Variants in MAP3K4 observed in about 807,000 individuals in gnomAD.
The protein encoded by MAP3K4 is MAP three kinase 1.
Under a neutral mutation model 185.6 loss-of-function variants are expected in MAP3K4, and 67 were observed. The observed-to-expected ratio is 0.36, with a 90% CI of 0.30 to 0.44. The LOEUF (loss-of-function observed/expected upper bound fraction) is 0.44, where lower values mean the gene tolerates loss of function less well. Ranked by LOEUF, MAP3K4 falls within the 20% of genes least tolerant of loss-of-function variation. MAP3K4 has a pLI of 1.00. For synonymous variants in MAP3K4, 702 were observed against 710.4 expected, an observed-to-expected ratio of 0.99 and a Z score of 0.19; for missense variants, 1,551 against 1,995.1, an observed-to-expected ratio of 0.78 and a Z score of 4.24.
chr6:161,036,145 T>C (rs144511749), intron 2 of MAP3K4, among the ~76,000 whole-genome samples: 1 of 152,292 alleles, frequency 6.6e-6, no homozygotes, highest in East Asian at 1.9e-4. Context: ...GTGCGAGAGA[T>C]AGAGGGAAAG....
chr6:161,035,558 T>A (rs1783125990), intron 2 of MAP3K4, among the ~76,000 whole-genome samples: 1 of 152,210 alleles, frequency 6.6e-6, no homozygotes, highest in South Asian at 2.1e-4. Flanking sequence ...TTCCCACAAA[T>A]GATTTTTCCA....
rs530670331 is a variant in MAP3K4 at position 161,019,419 on chromosome 6, T to C, written c.153-14840T>C. 3.3e-5 allele frequency among the ~76,000 whole-genome samples: 5 copies of C among 152,368 alleles called. No individual in the cohort carries two copies. In the East Asian group the frequency reaches 9.6e-4, roughly 29 times the overall value. On this transcript the variant is annotated intron_variant, in intron 1 of 26. Transcript: ENST00000392142. The stretch of plus-strand genomic sequence containing the variant: ...TCCATGTTTGCTTAACATCTCTTTC[T>C]TTCTATTTTTGAGACGGAGTCTCTC...
At position 161,108,548 on chromosome 6, in the gene MAP3K4, C is replaced by T. The variant is rs982475645; in HGVS notation, c.4120-195C>T. Among the ~76,000 whole-genome samples, 3 of 152,238 alleles carry T rather than the reference C, an allele frequency of 2.0e-5. No homozygotes were observed. Among genetic ancestry groups the T allele is most frequent in the South Asian group, 2.1e-4 (1 of 4,816 alleles). On this transcript the variant is annotated intron_variant, in intron 21 of 26. Coordinates refer to ENST00000392142, the MANE Select transcript of MAP3K4 (RefSeq NM_005922.4). This position sits in a 1 kb window ranked among gnomAD's most constrained non-coding sequence, Gnocchi z 5.7. ...GCAGGGCCTCTTCCTCCTCTGTGCC[C>T]GGGACCTACCCGCACTTCTATGACT... is the stretch of plus-strand genomic sequence containing the variant.
At position 161,034,011 on chromosome 6, in the gene MAP3K4, A is replaced by C. The variant is rs1783044988; in HGVS notation, c.153-248A>C. Among the ~76,000 whole-genome samples the C allele has an allele frequency of 6.6e-6, 1 of 152,222 alleles. No homozygotes were observed. Among genetic ancestry groups the C allele is most frequent in the African/African-American group, 2.4e-5 (1 of 41,476 alleles). On this transcript the variant is annotated intron_variant, in intron 1 of 26. Transcript: ENST00000392142. The surrounding 1 kb of genome is among the most constrained non-coding windows in gnomAD (Gnocchi z 4.4). ...TCTATAAACAAGAGAAACAGAAAGCATAACAGCTCTACCCATGTGGTACTC... is the reference window on the plus strand; with the variant it reads ...TCTATAAACAAGAGAAACAGAAAGCCTAACAGCTCTACCCATGTGGTACTC...
rs1783923813 is a variant in MAP3K4 at position 161,049,871 on chromosome 6, A to C, written c.1599A>C (p.Ala533=). ...TSIYRPFVDK[A]LKQMGLRKLI... Reference sequence around the variant, plus strand: ...TTTATAGACCATTTGTAGACAAAGCACTGAAGCAGATGGGGTTAAGAAAGT... The same window carrying C: ...TTTATAGACCATTTGTAGACAAAGCCCTGAAGCAGATGGGGTTAAGAAAGT... The change falls in exon 3 of 27, where the codon GCA becomes GCC. Residue 533 remains alanine, a synonymous_variant. Coordinates refer to ENST00000392142, the MANE Select transcript of MAP3K4 (RefSeq NM_005922.4). This position sits in a 1 kb window ranked among gnomAD's most constrained non-coding sequence, Gnocchi z 8.4. 1 of 1,614,054 alleles carries C rather than the reference A, an allele frequency of 6.2e-7. No homozygotes were observed. The highest frequency in any genetic ancestry group is 8.5e-7 in the Non-Finnish European group (1 of 1,180,016).
rs990571953 is a variant in MAP3K4, at chr6:161,077,267, T to C, written c.2098-3614T>C. ...ACTAACTTTCTGGTACCTTATTTCT[T>C]ATTGAAAAAAATATCTACATGTACC... On this transcript the variant is annotated intron_variant, in intron 5 of 26. Transcript: ENST00000392142. This position sits in a 1 kb window ranked among gnomAD's most constrained non-coding sequence, Gnocchi z 4.3. 6.6e-6 allele frequency among the ~76,000 whole-genome samples: 1 copy of C among 152,072 alleles called. No individual in the cohort carries two copies. The highest frequency in any genetic ancestry group is 2.4e-5 in the African/African-American group (1 of 41,400).
In MAP3K4 at chr6:161,047,117, C is replaced by CATATATAT. The variant is rs3050257; in HGVS notation, c.344-1478_344-1471dup. Among the ~76,000 whole-genome samples the CATATATAT allele has an allele frequency of 4.1e-3, 552 of 134,964 alleles. 7 individuals carry two copies. The highest frequency in any genetic ancestry group is 0.015 in the African/African-American group (497 of 33,834). The allele number at this position is 134,964 out of a possible 152,430, so 88.5% of individuals were successfully genotyped here. On this transcript the variant is annotated intron_variant, in intron 2 of 26. Transcript: ENST00000392142. ...TATGTAGATATATATTTCACTTATGCATATATATATATATATATATATATA... is the reference window on the plus strand; with the variant it reads ...TATGTAGATATATATTTCACTTATGCATATATATATATATATATATATATATATATATA...
chr6:161,040,744 A>C (rs78372703), intron 2 of MAP3K4, among the ~76,000 whole-genome samples: 2,482 of 152,256 alleles, frequency 0.016, 69 homozygotes, highest in African/African-American at 0.057. Flanking sequence ...TAGTCCCCCA[A>C]CTCCACATTT....
At position 161,109,674 on chromosome 6, in the gene MAP3K4, C is replaced by G. The variant is rs898715927; in HGVS notation, c.4237-81C>G. On this transcript the variant is annotated intron_variant, in intron 22 of 26. Coordinates refer to ENST00000392142, the MANE Select transcript of MAP3K4 (RefSeq NM_005922.4). This position sits in a 1 kb window ranked among gnomAD's most constrained non-coding sequence, Gnocchi z 5.7. The stretch of plus-strand genomic sequence containing the variant: ...AAAGAACATTCCTTTGGGGTGTGGC[C>G]TAGGAAGTTTTCCAGATTTTTCACT... 2 of 1,421,202 alleles carry G rather than the reference C, an allele frequency of 1.4e-6. No homozygotes were observed. The highest frequency in any genetic ancestry group is 2.8e-5 in the African/African-American group (2 of 71,146). The allele number at this position is 1,421,202 out of a possible 1,614,324, so 88.0% of individuals were successfully genotyped here.
chr6:161,089,404 T>A lies in MAP3K4; in HGVS notation c.2906T>A (p.Leu969His). The change falls in exon 11 of 27, where the codon CTT becomes CAT. Residue 969 changes from leucine (L) to histidine (H), a missense_variant. Physicochemically the swap from Leu to His is moderately conservative, Grantham distance 99. Transcript: ENST00000392142. ...GCTTTCCAGCAGTCCATTGAGGGAC[T>A]TATGACTCTGTGCCAGGAGCAGACA... ...RKAFQQSIEG[L>H]MTLCQEQTSS... 6.2e-7 allele frequency: 1 copy of A among 1,614,228 alleles called. No individual in the cohort carries two copies. The highest frequency in any genetic ancestry group is 8.5e-7 in the Non-Finnish European group (1 of 1,180,036).
chr6:161,061,013 T>G lies in MAP3K4; in HGVS notation c.1708-9595T>G, dbSNP rs1784465213. Among the ~76,000 whole-genome samples, 1 of 152,232 alleles carries G rather than the reference T, an allele frequency of 6.6e-6. No homozygotes were observed. The highest frequency in any genetic ancestry group is 2.1e-4 in the South Asian group (1 of 4,836). On this transcript the variant is annotated intron_variant, in intron 3 of 26. Transcript: ENST00000392142. The surrounding 1 kb of genome is among the most constrained non-coding windows in gnomAD (Gnocchi z 4.2). ...ACTGTCTGTACCCCAGCATTGTTCA[T>G]TGCAGCAGAAATTGTGGCTGGTCAT...
chr6:161,093,153 A>G lies in MAP3K4; in HGVS notation c.3348+97A>G, dbSNP rs1777404837. ...TTTATATGTAATAGTGGTTTTTTTC[A>G]TGAGATATTAATCTCAGCATATCAT... On this transcript the variant is annotated intron_variant, in intron 14 of 26. Transcript: ENST00000392142. This position sits in a 1 kb window ranked among gnomAD's most constrained non-coding sequence, Gnocchi z 5.2. 2 of 762,736 alleles carry G rather than the reference A, an allele frequency of 2.6e-6. No individual in the cohort carries two copies. The highest frequency in any genetic ancestry group is 2.5e-5 in the Admixed American group (1 of 39,754). 47.2% of individuals were successfully genotyped at this position (762,736 alleles called of 1,614,324 possible).
Position 161,112,009 on chromosome 6 carries a change from T to TG in MAP3K4, c.4519+55dup, listed in dbSNP as rs751954568. ...GCACTCTGACTTCATGCAGCCTGCT[T>TG]GGGGCCTGCATGTTCCCTTCACCTT... On this transcript the variant is annotated intron_variant, in intron 24 of 26. Transcript: ENST00000392142. This position sits in a 1 kb window ranked among gnomAD's most constrained non-coding sequence, Gnocchi z 5.1. The TG allele has an allele frequency of 1.9e-6, 3 of 1,604,578 alleles. No homozygotes were observed. In the East Asian group the frequency reaches 6.7e-5, roughly 36 times the overall value.
intron 25 of MAP3K4, among the ~76,000 whole-genome samples, chr6:161,113,555 C>T (rs186580253): frequency 8.3e-4 from 126 of 151,982 alleles, no homozygotes; most frequent in African/African-American, 2.8e-3. Flanking sequence ...ATTGGTTCAT[C>T]AGTTCTAAAA....
intron 1 of MAP3K4, among the ~76,000 whole-genome samples, chr6:161,019,035 T>C (rs1175140955): frequency 6.6e-6 from 1 of 152,226 alleles, no homozygotes; most frequent in African/African-American, 2.4e-5. Context: ...TGTACCAGAA[T>C]ACCAGTGACA....
At chr6:161,038,221 C>T (rs1243148656) in intron 2 of MAP3K4, among the ~76,000 whole-genome samples, 1 of 152,124 alleles carries the variant, frequency 6.6e-6, no homozygotes, top group Admixed American at 6.5e-5. Context: ...AGGGAGTACA[C>T]AAATGACCAA....
rs1784140615 is a variant in MAP3K4 at position 161,054,347 on chromosome 6, GT to G, written c.1707+4371del. 6.6e-6 allele frequency among the ~76,000 whole-genome samples: 1 copy of G among 152,070 alleles called. No homozygotes were observed. Among genetic ancestry groups the G allele is most frequent in the African/African-American group, 2.4e-5 (1 of 41,408 alleles). ...TTTTTGTATTTTTAGTAGAGATGGT[GT>G]TTCACCATGTTGGTCAGGCTGGTCT... On this transcript the variant is annotated intron_variant, in intron 3 of 26. Coordinates refer to ENST00000392142, the MANE Select transcript of MAP3K4 (RefSeq NM_005922.4). This position sits in a 1 kb window ranked among gnomAD's most constrained non-coding sequence, Gnocchi z 4.2.
intron 1 of MAP3K4, among the ~76,000 whole-genome samples, chr6:161,009,823 T>C: frequency 6.6e-6 from 1 of 152,082 alleles, no homozygotes; most frequent in African/African-American, 2.4e-5. Context: ...TGAGAACACA[T>C]GGACACAGGG....
intron 1 of MAP3K4, among the ~76,000 whole-genome samples, chr6:161,020,260 CTTTTCTTTGTTTG>C (rs1202951028): frequency 6.9e-6 from 1 of 144,384 alleles, no homozygotes; most frequent in Non-Finnish European, 1.5e-5. Flanking sequence ...AAACTATGGA[CTTTTCTTTGTTTG>C]TTTGTTTGTT....
Sources: allele counts gnomAD v4.1 joint callset (sites outside exome capture counted in the v4.1 genomes callset), GRCh38; gene constraint gnomAD v4.1.1; non-coding constraint Gnocchi (gnomAD v3.1); transcripts MANE v1.5; gene names NCBI Gene and HGNC (gene_info 2026-07-23, HGNC 2026-07-21).